RYR2: variants seen among roughly 807,000 people sequenced by gnomAD.
RYR2 encodes ryanodine receptor 2.
RYR2 carries 227 observed loss-of-function variants against 601.1 expected under a neutral mutation model. The ratio of observed to expected loss-of-function variants is 0.38; its 90% CI spans 0.34 to 0.42. The LOEUF (loss-of-function observed/expected upper bound fraction) is 0.42, where lower values mean the gene tolerates loss of function less well. Ranked by LOEUF, RYR2 falls within the 10% of genes least tolerant of loss-of-function variation. The pLI is 1.00. For synonymous variants in RYR2, 2,223 were observed against 2,175.1 expected (o/e 1.02, Z -0.61); for missense variants, 4,646 against 6,156.5 (o/e 0.75, Z 8.21).
intron 101 of RYR2, among the ~76,000 whole-genome samples, chr1:237,824,126 G>T (rs1235882108): frequency 6.6e-6 from 1 of 152,050 alleles, no homozygotes; most frequent in African/African-American, 2.4e-5. Flanking sequence ...CCATTCCTTT[G>T]AAACTATTCC....
intron 10 of RYR2, among the ~76,000 whole-genome samples, chr1:237,410,455 C>G (rs895372976): frequency 1.3e-4 from 19 of 151,802 alleles, no homozygotes; most frequent in Non-Finnish European, 2.5e-4. Flanking sequence ...TTAAAATGAC[C>G]AATAATATGG....
chr1:237,387,906 C>G (rs991678782), intron 9 of RYR2, among the ~76,000 whole-genome samples, 181 bp from the exon 10 acceptor site: 2 of 150,940 alleles, frequency 1.3e-5, no homozygotes, highest in Non-Finnish European at 3.0e-5. Context: ...CTGTGGGACT[C>G]GGGCACCCAG....
intron 2 of RYR2, among the ~76,000 whole-genome samples, chr1:237,291,288 C>A (rs1329132056): frequency 1.3e-5 from 2 of 151,988 alleles, no homozygotes; most frequent in East Asian, 3.9e-4. Flanking sequence ...AGACAACAAC[C>A]AATGCTGGTG....
intron 6 of RYR2, among the ~76,000 whole-genome samples, chr1:237,370,589 C>T (rs1002818545): frequency 1.3e-5 from 2 of 151,460 alleles, no homozygotes; most frequent in African/African-American, 4.9e-5. Context: ...TGGGCCCGTG[C>T]AGTTGAAACC....
chr1:237,541,533 T>G (rs2148030996), intron 25 of RYR2, among the ~76,000 whole-genome samples: 1 of 152,320 alleles, frequency 6.6e-6, no homozygotes, highest in East Asian at 1.9e-4. Flanking sequence ...ACTATCATAT[T>G]ATACTTTATT....
chr1:237,278,328 C>T (rs774760966), intron 2 of RYR2, among the ~76,000 whole-genome samples: 2 of 133,688 alleles, frequency 1.5e-5, no homozygotes. Flanking sequence ...TGGGCTCAAG[C>T]GATCTTCCTT....
intron 1 of RYR2, among the ~76,000 whole-genome samples, chr1:237,167,566 ATAG>A (rs1220034661): frequency 7.2e-5 from 11 of 152,186 alleles, no homozygotes; most frequent in African/African-American, 1.7e-4. Context: ...CAGCTGTCAA[ATAG>A]TAGTTTTCTC....
intron 1 of RYR2, among the ~76,000 whole-genome samples, chr1:237,248,282 G>GCCCCCCCC (rs1171897382): frequency 1.4e-4 from 2 of 14,066 alleles, no homozygotes; most frequent in Non-Finnish European, 3.3e-4. Flanking sequence ...CCGCAACCCC[G>GCCCCCCCC]CCCCCCCCCC....
Position 237,659,956 on chromosome 1 carries a change from A to C in RYR2, c.8209-29A>C, listed in dbSNP as rs10925485. 0.05 allele frequency: 74,782 copies of C among 1,484,206 alleles called. 2,139 individuals carry two copies. The highest frequency in any genetic ancestry group is 0.093 in the African/African-American group (6,583 of 70,512). 91.9% of individuals were successfully genotyped at this position (1,484,206 alleles called of 1,614,324 possible). On this transcript the variant is annotated intron_variant, in intron 54 of 104. Coordinates refer to ENST00000366574, the MANE Select transcript of RYR2 (RefSeq NM_001035.3). The stretch of plus-strand genomic sequence containing the variant: ...AATCTCTAAAATTAACACGTGTAAA[A>C]CAATTTTTAATGTTTGCCTTTTTTT...
At chr1:237,132,723 AT>A (rs1177789857) in intron 1 of RYR2, among the ~76,000 whole-genome samples, 2 of 152,170 alleles carry the variant, frequency 1.3e-5, no homozygotes, top group African/African-American at 2.4e-5. Context: ...ATCAGGAAAA[AT>A]TTTTCTAAAA....
At chr1:237,658,350 C>T (rs1041792754) in intron 54 of RYR2, among the ~76,000 whole-genome samples, 9 of 152,054 alleles carry the variant, frequency 5.9e-5, no homozygotes, top group South Asian at 2.1e-4. Context: ...ATGATGACTC[C>T]GGGTTCAGAA....
At chr1:237,168,374 A>C (rs968072642) in intron 1 of RYR2, among the ~76,000 whole-genome samples, 1 of 152,170 alleles carries the variant, frequency 6.6e-6, no homozygotes, top group African/African-American at 2.4e-5. Flanking sequence ...AGAATTTTTG[A>C]TGCCATACTT....
At chr1:237,350,520 GAGAT>G (rs1698676166) in intron 3 of RYR2, among the ~76,000 whole-genome samples, 1 of 132,618 alleles carries the variant, frequency 7.5e-6, no homozygotes, top group African/African-American at 2.8e-5. Context: ...GCAGTGAGCT[GAGAT>G]CGCACCACTG....
chr1:237,152,890 AT>A (rs1674888590), intron 1 of RYR2, among the ~76,000 whole-genome samples: 1 of 149,762 alleles, frequency 6.7e-6, no homozygotes, highest in Non-Finnish European at 1.5e-5. Flanking sequence ...ATGGGAAAAA[AT>A]TTTTGCAGTT....
intron 101 of RYR2, among the ~76,000 whole-genome samples, chr1:237,827,143 G>A (rs1026169493): frequency 3.9e-5 from 6 of 152,120 alleles, no homozygotes; most frequent in African/African-American, 1.4e-4. Context: ...AAGCTTAAGG[G>A]ACTCATAATT....
intron 1 of RYR2, among the ~76,000 whole-genome samples, chr1:237,050,178 T>C (rs551369281): frequency 5.3e-5 from 8 of 152,282 alleles, no homozygotes; most frequent in African/African-American, 1.9e-4. Context: ...AGACCTCCCC[T>C]GGATGGCTGG....
At chr1:237,661,575 G>A (rs752022173) in intron 56 of RYR2, among the ~76,000 whole-genome samples, 4 of 152,154 alleles carry the variant, frequency 2.6e-5, no homozygotes, top group Non-Finnish European at 4.4e-5. Flanking sequence ...CATCATGTTC[G>A]TTTGCTACAG....
intron 74 of RYR2, among the ~76,000 whole-genome samples, chr1:237,723,846 A>G (rs1689958936): frequency 6.6e-6 from 1 of 152,144 alleles, no homozygotes; most frequent in African/African-American, 2.4e-5. Context: ...TTTACACTAC[A>G]AAGCTCAGTT....
At chr1:237,531,762 C>T (rs1057319548) in intron 25 of RYR2, among the ~76,000 whole-genome samples, 14 of 152,066 alleles carry the variant, frequency 9.2e-5, no homozygotes, top group Non-Finnish European at 1.6e-4. Context: ...TAAATAGTTC[C>T]AAAAGATGTG....
Sources: gnomAD v4.1 joint callset for allele counts (sites outside exome capture counted in the v4.1 genomes callset) on GRCh38, gnomAD v4.1.1 for gene constraint, MANE v1.5 for transcripts, NCBI Gene and HGNC (gene_info 2026-07-23, HGNC 2026-07-21) for gene names.